SYNRG: variants seen among roughly 807,000 people sequenced by gnomAD.
SYNRG encodes the protein synergin gamma.
SYNRG carries 37 observed loss-of-function variants against 130.9 expected under a neutral mutation model. The observed-to-expected ratio is 0.28, with a 90% CI of 0.22 to 0.37. SYNRG has a LOEUF of 0.37. Among genes scored for constraint, SYNRG ranks in the 10% least tolerant of loss-of-function variants. The probability of loss-of-function intolerance (pLI) is 1.00; values close to 1 mark genes in which losing one functional copy is unlikely to be tolerated. For synonymous variants in SYNRG, 539 were observed against 568.1 expected (o/e 0.95, Z 0.73); for missense variants, 1,338 against 1,588.9 (o/e 0.84, Z 2.68).
intron 19 of SYNRG, among the ~76,000 whole-genome samples, chr17:37,534,924 T>C (rs2057044786): frequency 6.6e-6 from 1 of 152,108 alleles, no homozygotes; most frequent in African/African-American, 2.4e-5. Flanking sequence ...TGGAATAGCA[T>C]ATTTATTCCA....
At chr17:37,565,120 T>C (rs2059826974) in intron 11 of SYNRG, among the ~76,000 whole-genome samples, 1 of 152,026 alleles carries the variant, frequency 6.6e-6, no homozygotes, top group South Asian at 2.1e-4. Flanking sequence ...AAAAATTAGC[T>C]GGGTGTAGTG....
At position 37,553,907 on chromosome 17, in the gene SYNRG, TTTG is replaced by T. The variant is rs2058899655; in HGVS notation, c.1813_1815del (p.Gln605del). Reference sequence around the variant, plus strand: ...AAGTTCAGAGGGTTTTTCACTTGTGTTTGTTGTTTCTGTTGTATAGTTCCTGAG... The same window carrying T: ...AAGTTCAGAGGGTTTTTCACTTGTGTTTGTTTCTGTTGTATAGTTCCTGAG... On this transcript the variant is annotated inframe_deletion, in exon 14 of 22. Coordinates refer to ENST00000612223, the MANE Select transcript of SYNRG (RefSeq NM_007247.6). 1 of 1,608,824 alleles carries T rather than the reference TTTG, an allele frequency of 6.2e-7. No homozygotes were observed. The highest frequency in any genetic ancestry group is 8.5e-7 in the Non-Finnish European group (1 of 1,179,046).
intron 12 of SYNRG, 75 bp downstream of exon 12, chr17:37,561,396 C>T (rs1362293702): frequency 1.4e-6 from 2 of 1,462,176 alleles, no homozygotes; most frequent in South Asian, 1.1e-5. Flanking sequence ...CAGAAGACCA[C>T]CACTTAAAGA....
rs903480775 is a variant in SYNRG, at chr17:37,538,236, G to A, written c.3517+88C>T. ...TTCTTACTGAAGTCATATGTAACTTGAGAGATCTAGCTTAAAATAATTAAA... is the reference window on the plus strand; with the variant it reads ...TTCTTACTGAAGTCATATGTAACTTAAGAGATCTAGCTTAAAATAATTAAA... On this transcript the variant is annotated intron_variant, in intron 18 of 21. Transcript: ENST00000612223. The A allele has an allele frequency of 6.2e-6, 6 of 974,576 alleles. No individual in the cohort carries two copies. The African/African-American group carries it at 1.0e-4, about 16-fold the overall frequency. The allele number at this position is 974,576 out of a possible 1,614,324, so 60.4% of individuals were successfully genotyped here.
At chr17:37,563,250 A>G (rs1455193582) in intron 11 of SYNRG, among the ~76,000 whole-genome samples, 4 of 152,230 alleles carry the variant, frequency 2.6e-5, no homozygotes, top group Non-Finnish European at 5.9e-5. Flanking sequence ...CTTTCACACT[A>G]ATGAAAATAC....
chr17:37,607,029 T>C (rs1280030632), intron 1 of SYNRG, among the ~76,000 whole-genome samples: 1 of 152,160 alleles, frequency 6.6e-6, no homozygotes, highest in Non-Finnish European at 1.5e-5. Flanking sequence ...AAAAAAATAA[T>C]ATTCCTTTTT....
At chr17:37,594,575 G>GC (rs2062590359) in intron 3 of SYNRG, among the ~76,000 whole-genome samples, 1 of 149,888 alleles carries the variant, frequency 6.7e-6, no homozygotes, top group African/African-American at 2.5e-5. Context: ...CGATTCTCCT[G>GC]CTCAGCCTCC....
intron 19 of SYNRG, 103 bp from the exon 20 acceptor site, chr17:37,520,751 G>T: frequency 2.4e-6 from 2 of 847,784 alleles, no homozygotes; most frequent in Non-Finnish European, 3.9e-6. Flanking sequence ...GGCAAGTACA[G>T]TACTCTAACA....
chr17:37,540,704 G>A (rs1379142754), intron 15 of SYNRG, 161 bp from the exon 16 acceptor site: 6 of 853,408 alleles, frequency 7.0e-6, no homozygotes, highest in African/African-American at 3.8e-5. Flanking sequence ...GTGTGATCTC[G>A]GCTCAGTGCA....
intron 11 of SYNRG, among the ~76,000 whole-genome samples, chr17:37,566,601 C>G (rs994377194): frequency 2.0e-5 from 3 of 149,968 alleles, no homozygotes; most frequent in Admixed American, 2.0e-4. Flanking sequence ...GCCAAATCCC[C>G]CTCTGTGAGA....
intron 3 of SYNRG, among the ~76,000 whole-genome samples, chr17:37,593,307 G>A (rs542851846): frequency 3.3e-5 from 5 of 152,066 alleles, no homozygotes; most frequent in African/African-American, 1.2e-4. Flanking sequence ...CAGCTGCTTG[G>A]GAAGCTGAGG....
At chr17:37,570,464 T>C (rs927434698) in intron 10 of SYNRG, among the ~76,000 whole-genome samples, 173 bp downstream of exon 10, 2 of 152,204 alleles carry the variant, frequency 1.3e-5, no homozygotes, top group Non-Finnish European at 2.9e-5. Flanking sequence ...ATCTGAGAAG[T>C]GAAAAACTAA....
At chr17:37,527,493 A>G (rs1404992322) in intron 19 of SYNRG, among the ~76,000 whole-genome samples, 1 of 152,186 alleles carries the variant, frequency 6.6e-6, no homozygotes, top group Non-Finnish European at 1.5e-5. Flanking sequence ...AGAGAAAGAG[A>G]GCATAAAGCT....
intron 2 of SYNRG, among the ~76,000 whole-genome samples, chr17:37,597,142 C>T (rs1348329540): frequency 6.6e-6 from 1 of 152,170 alleles, no homozygotes; most frequent in Non-Finnish European, 1.5e-5. Flanking sequence ...CTCAATAAGA[C>T]CTATGGAGAA....
At chr17:37,593,627 A>G (rs2062408398) in intron 3 of SYNRG, among the ~76,000 whole-genome samples, 1 of 152,008 alleles carries the variant, frequency 6.6e-6, no homozygotes, top group Admixed American at 6.6e-5. Context: ...GCTCATGCCT[A>G]TAATCCCAGC....
In SYNRG at chr17:37,553,619, T is replaced by C. The variant is rs139017068; in HGVS notation, c.2104A>G (p.Ile702Val). The change falls in exon 14 of 22, where the codon ATT becomes GTT. Residue 702 changes from isoleucine to valine, a missense_variant. Around this residue, in one of 3 missense-constraint regions of SYNRG, gnomAD observed 1,146 missense variants for 1,342.3 expected, o/e 0.85. Transcript: ENST00000612223. ...TCATCCGGCTTTTGCTCAGATGAAA[T>C]AGAGCTATTACTGAAAGCCATAAAA... ...ADFMAFSNSS[I>V]SSEQKPDDKY... 3.0e-4 allele frequency: 484 copies of C among 1,614,076 alleles called. No individual in the cohort carries two copies. Among genetic ancestry groups the C allele is most frequent in the Middle Eastern group, 1.3e-3 (8 of 6,060 alleles).
chr17:37,604,240 T>A (rs1401009687), intron 1 of SYNRG, among the ~76,000 whole-genome samples: 13 of 142,084 alleles, frequency 9.1e-5, no homozygotes, highest in Non-Finnish European at 1.1e-4. Flanking sequence ...ACTCTGTCTA[T>A]AAAAAAAAAA....
intron 1 of SYNRG, chr17:37,600,901 A>C (rs1288065934): frequency 5.9e-6 from 1 of 168,850 alleles, no homozygotes; most frequent in Non-Finnish European, 1.3e-5. Flanking sequence ...TTATGGAAGT[A>C]GCTCTGGAGC....
At chr17:37,530,567 C>T (rs2056521590) in intron 19 of SYNRG, among the ~76,000 whole-genome samples, 1 of 152,166 alleles carries the variant, frequency 6.6e-6, no homozygotes, top group Non-Finnish European at 1.5e-5. Flanking sequence ...ATTCCAGAAG[C>T]TCAAAGAAAA....
Sources: gnomAD v4.1 joint callset for allele counts (sites outside exome capture counted in the v4.1 genomes callset) on GRCh38, gnomAD v4.1.1 for gene constraint, gnomAD v4.1.1 regional missense constraint, MANE v1.5 for transcripts, NCBI Gene and HGNC (gene_info 2026-07-23, HGNC 2026-07-21) for gene names.